Variants in PDE9A observed in about 807,000 individuals in gnomAD.
PDE9A encodes the protein high affinity cGMP-specific 3',5'-cyclic phosphodiesterase 9A.
In PDE9A, 60 loss-of-function variants were observed where a neutral mutation model predicts 87.4. The observed-to-expected ratio is 0.69, with a 90% CI of 0.56 to 0.85. The LOEUF (loss-of-function observed/expected upper bound fraction) is 0.85, where lower values mean the gene tolerates loss of function less well. Ranked by LOEUF, PDE9A falls within the 40% of genes least tolerant of loss-of-function variation. PDE9A has a pLI of 0.00. For missense variants in PDE9A, 665 were observed against 779.0 expected (o/e 0.85, Z 1.74); for synonymous variants, 272 against 279.4 (o/e 0.97, Z 0.27).
chr21:42,689,500 C>T (rs2146213002), intron 3 of PDE9A: 2 of 982,444 alleles, frequency 2.0e-6, no homozygotes, highest in African/African-American at 3.5e-5. Context: ...CTGACACCCA[C>T]AAGACTAAAA....
At chr21:42,766,577 T>C (rs2056425540) in intron 15 of PDE9A, among the ~76,000 whole-genome samples, 1 of 152,198 alleles carries the variant, frequency 6.6e-6, no homozygotes, top group African/African-American at 2.4e-5. Flanking sequence ...CATCGCTCTC[T>C]GGAGCTGAGG....
intron 1 of PDE9A, among the ~76,000 whole-genome samples, chr21:42,667,284 A>G (rs898248772): frequency 1.3e-5 from 2 of 152,192 alleles, no homozygotes; most frequent in African/African-American, 4.8e-5. Context: ...TGGAAAACAG[A>G]GAGACAATAT....
chr21:42,726,749 C>CTGTGTG lies in PDE9A; in HGVS notation c.263-5018_263-5013dup, dbSNP rs2146658008. The stretch of plus-strand genomic sequence containing the variant: ...GTGCTGGGATTACAGGCATGCGCCA[C>CTGTGTG]TGTGTGTGGCTGGTATTTTATTTAT... On this transcript the variant is annotated intron_variant, in intron 4 of 19. Coordinates refer to ENST00000291539, the MANE Select transcript of PDE9A (RefSeq NM_002606.3). Among the ~76,000 whole-genome samples, 3 of 149,488 alleles carry CTGTGTG rather than the reference C, an allele frequency of 2.0e-5. No homozygotes were observed. In the South Asian group the frequency reaches 6.4e-4, roughly 32 times the overall value.
chr21:42,712,604 G>A (rs573790172), intron 4 of PDE9A, among the ~76,000 whole-genome samples: 15 of 152,336 alleles, frequency 9.8e-5, no homozygotes, highest in Admixed American at 4.6e-4. Context: ...TCTTAGAGGA[G>A]ATGCCTTCGG....
At position 42,690,423 on chromosome 21, in the gene PDE9A, G is replaced by A. The variant is rs1304671775; in HGVS notation, c.218+2429G>A. On this transcript the variant is annotated intron_variant, in intron 3 of 19. Coordinates refer to ENST00000291539, the MANE Select transcript of PDE9A (RefSeq NM_002606.3). ...ATGTGGATGTGATCTAGATAATGTGGCTCTGGACGTAGAAAGAGCTTCAGA... is the reference window on the plus strand; with the variant it reads ...ATGTGGATGTGATCTAGATAATGTGACTCTGGACGTAGAAAGAGCTTCAGA... Among the ~76,000 whole-genome samples the A allele has an allele frequency of 2.0e-5, 3 of 152,228 alleles. No individual in the cohort carries two copies. In the East Asian group the frequency reaches 5.8e-4, roughly 29 times the overall value.
rs991924664 is a variant in PDE9A, at chr21:42,695,354, A to G, written c.219-3614A>G. On this transcript the variant is annotated intron_variant, in intron 3 of 19. Coordinates refer to ENST00000291539, the MANE Select transcript of PDE9A (RefSeq NM_002606.3). This position sits in a 1 kb window ranked among gnomAD's most constrained non-coding sequence, Gnocchi z 4.3. ...CTGGAGATCCTGACATCCAGCTAAC[A>G]TGGGCGTTGCTTCCTGACAACCCTA... 1.3e-5 allele frequency among the ~76,000 whole-genome samples: 2 copies of G among 152,256 alleles called. No individual in the cohort carries two copies. Among genetic ancestry groups the G allele is most frequent in the Admixed American group, 6.5e-5 (1 of 15,304 alleles).
At chr21:42,670,835 G>C (rs970681725) in intron 1 of PDE9A, among the ~76,000 whole-genome samples, 3 of 152,066 alleles carry the variant, frequency 2.0e-5, no homozygotes, top group African/African-American at 4.8e-5. Flanking sequence ...GGATGCATTA[G>C]TTTTCAAGTC....
At chr21:42,772,049 C>G (rs1049387671) in intron 18 of PDE9A, among the ~76,000 whole-genome samples, 3 of 152,128 alleles carry the variant, frequency 2.0e-5, no homozygotes, top group African/African-American at 7.2e-5. Context: ...AGTCCTGAGC[C>G]CTGCTGCCCA....
chr21:42,731,023 T>C (rs1232720300), intron 4 of PDE9A, among the ~76,000 whole-genome samples: 1 of 152,206 alleles, frequency 6.6e-6, no homozygotes, highest in Non-Finnish European at 1.5e-5. Flanking sequence ...AATGGCACGA[T>C]CTCAGCTCAC....
chr21:42,733,635 C>G, intron 7 of PDE9A: 1 of 582,550 alleles, frequency 1.7e-6, no homozygotes, highest in Non-Finnish European at 3.1e-6. Flanking sequence ...AGAAGCACAG[C>G]TCATGGTATA....
chr21:42,660,166 G>T lies in PDE9A; in HGVS notation c.69+6283G>T, dbSNP rs186770828. Among the ~76,000 whole-genome samples, 1 of 152,134 alleles carries T rather than the reference G, an allele frequency of 6.6e-6. No homozygotes were observed. Among genetic ancestry groups the T allele is most frequent in the Non-Finnish European group, 1.5e-5 (1 of 68,000 alleles). On this transcript the variant is annotated intron_variant, in intron 1 of 19. Coordinates refer to ENST00000291539, the MANE Select transcript of PDE9A (RefSeq NM_002606.3). This position sits in a 1 kb window ranked among gnomAD's most constrained non-coding sequence, Gnocchi z 4.7. ...CTGGGTGCAGGTGACCCAGCAAGCC[G>T]CACTCCTGGGAAATTTCAGAAGGTT...
intron 7 of PDE9A, among the ~76,000 whole-genome samples, chr21:42,737,034 C>T (rs987106874): frequency 6.6e-6 from 1 of 152,204 alleles, no homozygotes; most frequent in African/African-American, 2.4e-5. Flanking sequence ...AGGGCAGAAA[C>T]GGAAAGTCCT....
intron 1 of PDE9A, among the ~76,000 whole-genome samples, chr21:42,673,057 C>T (rs535884371): frequency 1.3e-5 from 2 of 152,308 alleles, no homozygotes; most frequent in South Asian, 4.1e-4. Context: ...TGCCACTCAA[C>T]GGAGTAAGTA....
intron 19 of PDE9A, among the ~76,000 whole-genome samples, chr21:42,773,909 C>T (rs1041997919): frequency 4.6e-5 from 7 of 151,480 alleles, no homozygotes; most frequent in East Asian, 2.0e-4. Context: ...TCGAGACCAT[C>T]CTGGCTAACA....
intron 1 of PDE9A, among the ~76,000 whole-genome samples, chr21:42,670,248 CATACAT>C (rs2058374245): frequency 8.0e-6 from 1 of 125,530 alleles, no homozygotes. Context: ...CACTCATACA[CATACAT>C]ACATTCACAC....
chr21:42,705,696 A>C lies in PDE9A; in HGVS notation c.262+6685A>C, dbSNP rs2048772648. On this transcript the variant is annotated intron_variant, in intron 4 of 19. Transcript: ENST00000291539. The surrounding 1 kb of genome is among the most constrained non-coding windows in gnomAD (Gnocchi z 4.3). ...AGCCAGGGGCCATCACGATTTTCTT[A>C]GGCACAGCAGCAGTTGAACCGTGCT... is the stretch of plus-strand genomic sequence containing the variant. Among the ~76,000 whole-genome samples, 1 of 152,156 alleles carries C rather than the reference A, an allele frequency of 6.6e-6. No individual in the cohort carries two copies. Among genetic ancestry groups the C allele is most frequent in the African/African-American group, 2.4e-5 (1 of 41,442 alleles).
intron 9 of PDE9A, among the ~76,000 whole-genome samples, chr21:42,752,415 C>T (rs1322925464): frequency 6.6e-6 from 1 of 152,056 alleles, no homozygotes; most frequent in Non-Finnish European, 1.5e-5. Context: ...ATTACAGGCA[C>T]CCACCGCCAT....
chr21:42,687,829 TC>T (rs1210623639), intron 2 of PDE9A, 87 bp from the exon 3 acceptor site: 1 of 1,150,386 alleles, frequency 8.7e-7, no homozygotes, highest in Non-Finnish European at 1.3e-6. Flanking sequence ...GTCCTGGTTG[TC>T]TCAGGGCTCT....
Position 42,722,790 on chromosome 21 carries a change from G to T in PDE9A, c.263-8980G>T, listed in dbSNP as rs1463113433. Among the ~76,000 whole-genome samples the T allele has an allele frequency of 1.3e-5, 2 of 152,322 alleles. No homozygotes were observed. The highest frequency in any genetic ancestry group is 1.3e-4 in the Admixed American group (2 of 15,302). On this transcript the variant is annotated intron_variant, in intron 4 of 19. Coordinates refer to ENST00000291539, the MANE Select transcript of PDE9A (RefSeq NM_002606.3). The surrounding 1 kb of genome is among the most constrained non-coding windows in gnomAD (Gnocchi z 4.1). ...GGCTGGCCAATCAAATTAACTTATT[G>T]TTACACTAATTTTTAGAATCAGAAT...
Sources: gnomAD v4.1 joint callset for allele counts (sites outside exome capture counted in the v4.1 genomes callset) on GRCh38, gnomAD v4.1.1 for gene constraint, Gnocchi (gnomAD v3.1) non-coding constraint, MANE v1.5 for transcripts, NCBI Gene and HGNC (gene_info 2026-07-23, HGNC 2026-07-21) for gene names.